The following PRIMA1 variants were observed in gnomAD, a reference collection of about 807,000 sequenced individuals.
PRIMA1 encodes the protein proline-rich membrane anchor 1.
In PRIMA1, 7 loss-of-function variants were observed where a neutral mutation model predicts 17.5. The observed-to-expected ratio is 0.40, with a 90% CI of 0.23 to 0.75. PRIMA1 has a LOEUF of 0.75. Among genes scored for constraint, PRIMA1 ranks in the 30% least tolerant of loss-of-function variants. PRIMA1 has a pLI of 0.37. For missense variants in PRIMA1, 200 were observed against 201.8 expected (o/e 0.99, Z 0.05); for synonymous variants, 97 against 77.9 (o/e 1.25, Z -1.29).
chr14:93,787,864 C>T, intron 1 of PRIMA1, 115 bp from the exon 2 acceptor site: 4 of 1,230,742 alleles, frequency 3.3e-6, no homozygotes, highest in Non-Finnish European at 4.4e-6. Context: ...CCAGGGGCAC[C>T]CTAGTAAACC....
At chr14:93,764,661 T>A (rs1884837015) in intron 3 of PRIMA1, among the ~76,000 whole-genome samples, 1 of 152,194 alleles carries the variant, frequency 6.6e-6, no homozygotes, top group Non-Finnish European at 1.5e-5. Context: ...TATTTAGGTC[T>A]CCCCATGATA....
At chr14:93,728,875 C>T (rs533766258) in intron 4 of PRIMA1, among the ~76,000 whole-genome samples, 31 of 152,302 alleles carry the variant, frequency 2.0e-4, no homozygotes, top group Admixed American at 9.8e-4. Flanking sequence ...CTGCATCACA[C>T]GGCAGGATGG....
In PRIMA1 at chr14:93,723,812, C is replaced by A. The variant is rs533246566; in HGVS notation, c.360-2266G>T. ...AGAGGGCTTAATTTGCCCAAGGACG[C>A]TCATCTGGTTTGTGGTGGGGCCTGG... On this transcript the variant is annotated intron_variant, in intron 4 of 4. Transcript: ENST00000393140. Among the ~76,000 whole-genome samples the A allele has an allele frequency of 3.3e-5, 5 of 152,302 alleles. 1 individual carries two copies. Among genetic ancestry groups the A allele is most frequent in the African/African-American group, 1.2e-4 (5 of 41,554 alleles).
intron 3 of PRIMA1, among the ~76,000 whole-genome samples, chr14:93,754,570 C>T (rs1056670340): frequency 6.6e-6 from 1 of 152,188 alleles, no homozygotes; most frequent in African/African-American, 2.4e-5. Context: ...GAGGGCAAAG[C>T]TGGCCACACC....
Position 93,787,687 on chromosome 14 carries a change from C to T in PRIMA1, c.32G>A (p.Gly11Asp). Residue 11 changes from glycine to aspartate, a missense_variant, in exon 2 of 5, where the codon GGC (glycine) becomes GAC (aspartate). Gly to Asp is a moderately conservative substitution (Grantham distance 94, BLOSUM62 -1). Coordinates refer to ENST00000393140, the MANE Select transcript of PRIMA1 (RefSeq NM_178013.4). ...CAGCAGCAGCGAGGACCAGCAGCAG[C>T]CACGGCGCAGCACCAAGTCCCGGAG... MLLRDLVLRR[G>D]CCWSSLLLHC... 1 of 1,544,492 alleles carries T rather than the reference C, an allele frequency of 6.5e-7. No homozygotes were observed. The highest frequency in any genetic ancestry group is 8.7e-7 in the Non-Finnish European group (1 of 1,146,758).
rs2141146621 is a variant in PRIMA1, at chr14:93,721,157, G to A, written c.*287C>T. 2 of 402,276 alleles carry A rather than the reference G, an allele frequency of 5.0e-6. No homozygotes were observed. The highest frequency in any genetic ancestry group is 4.1e-5 in the South Asian group (1 of 24,600). The allele number at this position is 402,276 out of a possible 1,614,324, so 24.9% of individuals were successfully genotyped here. The stretch of plus-strand genomic sequence containing the variant: ...CGCATGCTTTAGACAGCAGCTGGGG[G>A]CAGTCGACAGACCAGACACCAGACA... On this transcript the variant is annotated 3_prime_UTR_variant, in exon 5 of 5. Coordinates refer to ENST00000393140, the MANE Select transcript of PRIMA1 (RefSeq NM_178013.4).
At chr14:93,728,244 T>C (rs944997090) in intron 4 of PRIMA1, among the ~76,000 whole-genome samples, 2 of 152,032 alleles carry the variant, frequency 1.3e-5, no homozygotes, top group African/African-American at 4.8e-5. Context: ...TGGCACCAGG[T>C]TGGTAGTCAT....
chr14:93,722,933 C>T (rs1408648455), intron 4 of PRIMA1, among the ~76,000 whole-genome samples: 1 of 151,982 alleles, frequency 6.6e-6, no homozygotes, highest in Non-Finnish European at 1.5e-5. Flanking sequence ...CCAGAGGGCC[C>T]CTAACCCCAA....
At chr14:93,760,718 T>C (rs1304741829) in intron 3 of PRIMA1, among the ~76,000 whole-genome samples, 1 of 152,162 alleles carries the variant, frequency 6.6e-6, no homozygotes, top group Non-Finnish European at 1.5e-5. Context: ...CAGTACACAC[T>C]AGCTGGGTCA....
chr14:93,759,879 G>C (rs990289696), intron 3 of PRIMA1, among the ~76,000 whole-genome samples: 2 of 152,216 alleles, frequency 1.3e-5, no homozygotes, highest in African/African-American at 4.8e-5. Context: ...AGAGGCCCCG[G>C]CCTGGACATC....
intron 3 of PRIMA1, among the ~76,000 whole-genome samples, chr14:93,753,283 G>A (rs2076271810): frequency 6.6e-6 from 1 of 152,244 alleles, no homozygotes; most frequent in South Asian, 2.1e-4. Flanking sequence ...AGGCTGTGCA[G>A]TGGAACTGTC....
chr14:93,773,271 C>T (rs1462711265), intron 3 of PRIMA1, among the ~76,000 whole-genome samples: 2 of 152,208 alleles, frequency 1.3e-5, no homozygotes, highest in Non-Finnish European at 2.9e-5. Flanking sequence ...AACTGAGGCT[C>T]TGAGAGGTTG....
intron 3 of PRIMA1, among the ~76,000 whole-genome samples, chr14:93,745,015 C>T (rs1056870897): frequency 6.4e-5 from 9 of 140,624 alleles, no homozygotes; most frequent in African/African-American, 2.1e-4. Flanking sequence ...GCCTGTAGCC[C>T]GGGGCGGGGG....
chr14:93,753,983 C>A (rs1341527508), intron 3 of PRIMA1, among the ~76,000 whole-genome samples: 1 of 152,216 alleles, frequency 6.6e-6, no homozygotes, highest in Non-Finnish European at 1.5e-5. Context: ...GCTGGGCCTG[C>A]TGTGCTGTCT....
At chr14:93,743,058 C>T (rs1357248209) in intron 3 of PRIMA1, among the ~76,000 whole-genome samples, 1 of 152,180 alleles carries the variant, frequency 6.6e-6, no homozygotes, top group Non-Finnish European at 1.5e-5. Context: ...CTCGGTTTTG[C>T]AAGATATCTT....
At chr14:93,763,541 C>T (rs1241668755) in intron 3 of PRIMA1, among the ~76,000 whole-genome samples, 1 of 152,220 alleles carries the variant, frequency 6.6e-6, no homozygotes, top group Non-Finnish European at 1.5e-5. Context: ...CCATTTGTTT[C>T]AGAGCTGGCT....
At chr14:93,738,435 A>C (rs1283484966) in intron 3 of PRIMA1, among the ~76,000 whole-genome samples, 1 of 152,156 alleles carries the variant, frequency 6.6e-6, no homozygotes, top group African/African-American at 2.4e-5. Flanking sequence ...CAAAGAGGAA[A>C]GGGGATGATG....
At chr14:93,770,055 C>G (rs1333030998) in intron 3 of PRIMA1, among the ~76,000 whole-genome samples, 1 of 152,196 alleles carries the variant, frequency 6.6e-6, no homozygotes. Context: ...CCGCTCTCCC[C>G]CTACAGCCAC....
intron 2 of PRIMA1, among the ~76,000 whole-genome samples, chr14:93,785,925 C>T (rs1215293727): frequency 6.6e-6 from 1 of 152,130 alleles, no homozygotes; most frequent in South Asian, 2.1e-4. Flanking sequence ...CACACCCCTG[C>T]TTGTGTAAGT....
Sources: gnomAD v4.1 joint callset for allele counts (sites outside exome capture counted in the v4.1 genomes callset) on GRCh38, gnomAD v4.1.1 for gene constraint, MANE v1.5 for transcripts, NCBI Gene and HGNC (gene_info 2026-07-23, HGNC 2026-07-21) for gene names.